Variants in MYCN observed in about 807,000 individuals in gnomAD.
MYCN encodes N-myc proto-oncogene protein.
A neutral mutation model predicts 28.1 loss-of-function variants in MYCN; 3 were observed. The ratio of observed to expected loss-of-function variants is 0.11; its 90% confidence interval spans 0.05 to 0.28. The LOEUF (loss-of-function observed/expected upper bound fraction) is 0.28, where lower values mean the gene tolerates loss of function less well. Ranked by LOEUF, MYCN falls within the 10% of genes least tolerant of loss-of-function variation. The pLI is 1.00. For synonymous variants in MYCN, 326 were observed against 288.3 expected, an observed-to-expected ratio of 1.13 and a Z score of -1.32; for missense variants, 572 against 651.4, an observed-to-expected ratio of 0.88 and a Z score of 1.33.
chr2:15,942,910 G>T lies in MYCN; in HGVS notation c.790+56G>T, dbSNP rs1662747631. The T allele has an allele frequency of 1.3e-6, 2 of 1,530,114 alleles. No individual in the cohort carries two copies. 94.8% of individuals were successfully genotyped at this position (1,530,114 alleles called of 1,614,324 possible). On this transcript the variant is annotated intron_variant, in intron 2 of 2. Coordinates refer to ENST00000281043, the MANE Select transcript of MYCN (RefSeq NM_005378.6). The surrounding 1 kb of genome is among the most constrained non-coding windows in gnomAD (Gnocchi z 7.0). ...CCTGGGGCACTGGACCCCGGGTCGC[G>T]TCCCCTTTGTTAGTGCTCGTATGTC...
In MYCN at chr2:15,942,254, A is replaced by T. The variant is rs751463329; in HGVS notation, c.190A>T (p.Ser64Cys). ...ELLPTPPLSP[S>C]RGFAEHSSEP... ...GCTGCCCACGCCCCCGCTGTCGCCC[A>T]GCCGTGGCTTCGCGGAGCACAGCTC... Residue 64 changes from serine (S) to cysteine (C), a missense_variant, in exon 2 of 3, where the codon AGC becomes TGC. Coordinates refer to ENST00000281043, the MANE Select transcript of MYCN (RefSeq NM_005378.6). This position sits in a 1 kb window ranked among gnomAD's most constrained non-coding sequence, Gnocchi z 7.0. The T allele has an allele frequency of 1.4e-5, 23 of 1,612,716 alleles. No individual in the cohort carries two copies. Among genetic ancestry groups the T allele is most frequent in the Non-Finnish European group, 1.6e-5 (19 of 1,179,848 alleles).
rs1377350247 is a variant in MYCN at position 15,945,462 on chromosome 2, C to T, written c.791-31C>T. On this transcript the variant is annotated intron_variant, in intron 2 of 2. Coordinates refer to ENST00000281043, the MANE Select transcript of MYCN (RefSeq NM_005378.6). This position sits in a 1 kb window ranked among gnomAD's most constrained non-coding sequence, Gnocchi z 4.8. The stretch of plus-strand genomic sequence containing the variant: ...ATGTGAATTTCATTCAAATGGTTCT[C>T]ACATGAGAGTAACTAGCATCTTTCT... The T allele has an allele frequency of 1.3e-6, 2 of 1,571,658 alleles. No individual in the cohort carries two copies. Among genetic ancestry groups the T allele is most frequent in the Non-Finnish European group, 8.6e-7 (1 of 1,157,166 alleles).
chr2:15,940,804 G>C (rs371249698), intron 1 of MYCN, 61 bp downstream of exon 1: 18 of 398,240 alleles, frequency 4.5e-5, no homozygotes, highest in African/African-American at 2.7e-4. Flanking sequence ...CCGGGGCAAG[G>C]CAAGCCCTGG....
chr2:15,942,424 C>G lies in MYCN; in HGVS notation c.360C>G (p.Phe120Leu), dbSNP rs748818541. 6.2e-7 allele frequency: 1 copy of G among 1,601,318 alleles called. No homozygotes were observed. Among genetic ancestry groups the G allele is most frequent in the East Asian group, 2.2e-5 (1 of 44,720 alleles). Residue 120 changes from phenylalanine to leucine, a missense_variant, in exon 2 of 3, where the codon TTC becomes TTG. Around this residue, in one of 3 missense-constraint regions of MYCN, gnomAD observed 499 missense variants for 524.3 expected, o/e 0.95. Transcript: ENST00000281043. The surrounding 1 kb of genome is among the most constrained non-coding windows in gnomAD (Gnocchi z 7.0). ...TCCAGGACTGCATGTGGAGCGGCTT[C>G]TCCGCCCGCGAGAAGCTGGAGCGCG... is the stretch of plus-strand genomic sequence containing the variant. Reference protein sequence around the residue: ...VILQDCMWSGFSAREKLERAV... With the variant: ...VILQDCMWSGLSAREKLERAV...
chr2:15,945,390 G>A lies in MYCN; in HGVS notation c.791-103G>A, dbSNP rs1165107034. ...ACCCATAAAAATAGCAGTCTGCCAG[G>A]GTCTGCCGGAAGAGACAGATAAGCA... On this transcript the variant is annotated intron_variant, in intron 2 of 2. Coordinates refer to ENST00000281043, the MANE Select transcript of MYCN (RefSeq NM_005378.6). This position sits in a 1 kb window ranked among gnomAD's most constrained non-coding sequence, Gnocchi z 4.8. 7.3e-7 allele frequency: 1 copy of A among 1,361,196 alleles called. No homozygotes were observed. The highest frequency in any genetic ancestry group is 1.4e-5 in the African/African-American group (1 of 69,146). The allele number at this position is 1,361,196 out of a possible 1,614,324, so 84.3% of individuals were successfully genotyped here.
rs1203807752 is a variant in MYCN, at chr2:15,941,730, G to T, written c.-117-218G>T. 3 of 449,618 alleles carry T rather than the reference G, an allele frequency of 6.7e-6. No homozygotes were observed. The highest frequency in any genetic ancestry group is 3.8e-5 in the Admixed American group (1 of 26,420). The allele number at this position is 449,618 out of a possible 1,614,324, so 27.9% of individuals were successfully genotyped here. A position where few individuals can be genotyped will look rare whatever the true frequency, so the allele number is the denominator to read the frequency against. On this transcript the variant is annotated intron_variant, in intron 1 of 2. Transcript: ENST00000281043. This position sits in a 1 kb window ranked among gnomAD's most constrained non-coding sequence, Gnocchi z 4.8. Reference sequence around the variant, plus strand: ...AGCCTCGCCACCACCCCCTGCATCTGCATGCCCCCTCCCACCCCCTGTCGT... The same window carrying T: ...AGCCTCGCCACCACCCCCTGCATCTTCATGCCCCCTCCCACCCCCTGTCGT...
chr2:15,945,717 G>A lies in MYCN; in HGVS notation c.1015G>A (p.Val339Met), dbSNP rs372079635. The A allele has an allele frequency of 5.6e-6, 9 of 1,614,016 alleles. No individual in the cohort carries two copies. The highest frequency in any genetic ancestry group is 7.6e-6 in the Non-Finnish European group (9 of 1,179,934). ...QHNYAAPSPY[V>M]ESEDAPPQKK... ...CAACTATGCCGCCCCCTCTCCCTACGTGGAGAGTGAGGATGCACCCCCACA... is the reference window on the plus strand; with the variant it reads ...CAACTATGCCGCCCCCTCTCCCTACATGGAGAGTGAGGATGCACCCCCACA... Residue 339 changes from valine (V) to methionine (M), a missense_variant, in exon 3 of 3, where the codon GTG becomes ATG. Around this residue, in one of 3 missense-constraint regions of MYCN, gnomAD observed 499 missense variants for 524.3 expected, o/e 0.95. Coordinates refer to ENST00000281043, the MANE Select transcript of MYCN (RefSeq NM_005378.6). This position sits in a 1 kb window ranked among gnomAD's most constrained non-coding sequence, Gnocchi z 4.8.
Position 15,946,211 on chromosome 2 carries a change from G to C in MYCN, c.*114G>C, listed in dbSNP as rs778828407. 1 of 1,500,928 alleles carries C rather than the reference G, an allele frequency of 6.7e-7. No individual in the cohort carries two copies. The highest frequency in any genetic ancestry group is 9.1e-7 in the Non-Finnish European group (1 of 1,095,520). The allele number at this position is 1,500,928 out of a possible 1,614,324, so 93.0% of individuals were successfully genotyped here. A position where few individuals can be genotyped will look rare whatever the true frequency, so the allele number is the denominator to read the frequency against. ...TTTACTTTCAAATCGGTCCCCTGTC[G>C]AGTTCGGCTCTGGGTGGGCAGTAGG... On this transcript the variant is annotated 3_prime_UTR_variant, in exon 3 of 3. Transcript: ENST00000281043.
intron 2 of MYCN, among the ~76,000 whole-genome samples, chr2:15,943,173 T>C (rs924135134): frequency 6.6e-6 from 1 of 151,992 alleles, no homozygotes; most frequent in Non-Finnish European, 1.5e-5. Context: ...AGGAATAAAA[T>C]TGGAGAAAGT....
rs534637762 is a variant in MYCN, at chr2:15,946,029, G to C, written c.1327G>C (p.Glu443Gln). 6.2e-7 allele frequency: 1 copy of C among 1,614,206 alleles called. No individual in the cohort carries two copies. Among genetic ancestry groups the C allele is most frequent in the African/African-American group, 1.3e-5 (1 of 75,062 alleles). Reference sequence around the variant, plus strand: ...GGCCGAGGAGCACCAGCTTTTGCTGGAAAAGGAAAAATTGCAGGCAAGACA... The same window carrying C: ...GGCCGAGGAGCACCAGCTTTTGCTGCAAAAGGAAAAATTGCAGGCAAGACA... ...LQAEEHQLLL[E>Q]KEKLQARQQQ... The change falls in exon 3 of 3, where the codon GAA becomes CAA. Residue 443 changes from glutamate to glutamine, a missense_variant. Physicochemically the swap from Glu to Gln is conservative, Grantham distance 29. Coordinates refer to ENST00000281043, the MANE Select transcript of MYCN (RefSeq NM_005378.6).
chr2:15,945,359 T>A lies in MYCN; in HGVS notation c.791-134T>A. 1 of 1,009,230 alleles carries A rather than the reference T, an allele frequency of 9.9e-7. No individual in the cohort carries two copies. Among genetic ancestry groups the A allele is most frequent in the Non-Finnish European group, 1.5e-6 (1 of 660,644 alleles). The allele number at this position is 1,009,230 out of a possible 1,614,324, so 62.5% of individuals were successfully genotyped here. ...AATACAAAACTGTCCACATCTATGT[T>A]GATGGACCCATAAAAATAGCAGTCT... On this transcript the variant is annotated intron_variant, in intron 2 of 2. Coordinates refer to ENST00000281043, the MANE Select transcript of MYCN (RefSeq NM_005378.6). This position sits in a 1 kb window ranked among gnomAD's most constrained non-coding sequence, Gnocchi z 4.8.
chr2:15,942,488 A>G lies in MYCN; in HGVS notation c.424A>G (p.Thr142Ala). 1.3e-6 allele frequency: 2 copies of G among 1,548,406 alleles called. No homozygotes were observed. The highest frequency in any genetic ancestry group is 1.7e-6 in the Non-Finnish European group (2 of 1,152,556). ...GCTGCAGCACGGCCGCGGGCCGCCA[A>G]CCGCCGGTTCCACCGCCCAGTCCCC... is the stretch of plus-strand genomic sequence containing the variant. ...EKLQHGRGPP[T>A]AGSTAQSPGA... Residue 142 changes from threonine to alanine, a missense_variant, in exon 2 of 3, where the codon ACC becomes GCC. Around this residue, in one of 3 missense-constraint regions of MYCN, gnomAD observed 499 missense variants for 524.3 expected, o/e 0.95. Coordinates refer to ENST00000281043, the MANE Select transcript of MYCN (RefSeq NM_005378.6). This position sits in a 1 kb window ranked among gnomAD's most constrained non-coding sequence, Gnocchi z 7.0.
rs1558533634 is a variant in MYCN at position 15,942,162 on chromosome 2, A to G, written c.98A>G (p.Asp33Gly). ...SLQPCFYPDE[D>G]DFYFGGPDST... is the part of the protein sequence containing the mutation. ...CAGCCCTGCTTCTACCCGGACGAAG[A>G]TGACTTCTACTTCGGCGGCCCCGAC... is the stretch of plus-strand genomic sequence containing the variant. The change falls in exon 2 of 3, where the codon GAT (aspartate) becomes GGT (glycine). Residue 33 changes from aspartate to glycine, a missense_variant. Coordinates refer to ENST00000281043, the MANE Select transcript of MYCN (RefSeq NM_005378.6). This position sits in a 1 kb window ranked among gnomAD's most constrained non-coding sequence, Gnocchi z 7.0. 2 of 1,613,874 alleles carry G rather than the reference A, an allele frequency of 1.2e-6. No individual in the cohort carries two copies. The highest frequency in any genetic ancestry group is 1.7e-6 in the Non-Finnish European group (2 of 1,179,998).
Position 15,946,543 on chromosome 2 carries a change from T to TACATACC in MYCN, c.*446_*447insACATACC, listed in dbSNP as rs1662879227. 2.9e-6 allele frequency: 1 copy of TACATACC among 347,144 alleles called. No homozygotes were observed. The highest frequency in any genetic ancestry group is 4.5e-5 in the Admixed American group (1 of 22,294). 21.5% of individuals were successfully genotyped at this position (347,144 alleles called of 1,614,324 possible). On this transcript the variant is annotated 3_prime_UTR_variant, in exon 3 of 3. Transcript: ENST00000281043. ...CGCCTTTTGTATACATCCTGGGTAA[T>TACATACC]GAGAGGTGGCTTTTGCGGCCAGTAT...
In MYCN at chr2:15,945,651, G is replaced by A. The variant is rs771271810; in HGVS notation, c.949G>A (p.Glu317Lys). Reference protein sequence around the residue: ...ALGPGRAQSSELILKRCLPIH... With the variant: ...ALGPGRAQSSKLILKRCLPIH... ...GGGTCCCGGGAGGGCTCAGTCCAGC[G>A]AGCTGATCCTCAAACGATGCCTTCC... is the stretch of plus-strand genomic sequence containing the variant. The change falls in exon 3 of 3, where the codon GAG (glutamate) becomes AAG (lysine). Residue 317 changes from glutamate (E) to lysine (K), a missense_variant. Glu to Lys is a moderately conservative substitution (Grantham distance 56). Transcript: ENST00000281043. This position sits in a 1 kb window ranked among gnomAD's most constrained non-coding sequence, Gnocchi z 4.8. 3.1e-6 allele frequency: 5 copies of A among 1,614,146 alleles called. No homozygotes were observed. Among genetic ancestry groups the A allele is most frequent in the Non-Finnish European group, 4.2e-6 (5 of 1,180,026 alleles).
At position 15,945,406 on chromosome 2, in the gene MYCN, C is replaced by T. The variant is rs2103330119; in HGVS notation, c.791-87C>T. The T allele has an allele frequency of 6.8e-7, 1 of 1,472,196 alleles. No individual in the cohort carries two copies. Among genetic ancestry groups the T allele is most frequent in the Non-Finnish European group, 9.3e-7 (1 of 1,076,924 alleles). The allele number at this position is 1,472,196 out of a possible 1,614,324, so 91.2% of individuals were successfully genotyped here. On this transcript the variant is annotated intron_variant, in intron 2 of 2. Transcript: ENST00000281043. The surrounding 1 kb of genome is among the most constrained non-coding windows in gnomAD (Gnocchi z 4.8). ...GTCTGCCAGGGTCTGCCGGAAGAGA[C>T]AGATAAGCATACATATTAACATGGA...
chr2:15,946,224 G>T lies in MYCN; in HGVS notation c.*127G>T. On this transcript the variant is annotated 3_prime_UTR_variant, in exon 3 of 3. Transcript: ENST00000281043. Reference sequence around the variant, plus strand: ...CGGTCCCCTGTCGAGTTCGGCTCTGGGTGGGCAGTAGGACCACCAGTGTGG... The same window carrying T: ...CGGTCCCCTGTCGAGTTCGGCTCTGTGTGGGCAGTAGGACCACCAGTGTGG... 1 of 1,388,920 alleles carries T rather than the reference G, an allele frequency of 7.2e-7. No individual in the cohort carries two copies. 86.0% of individuals were successfully genotyped at this position (1,388,920 alleles called of 1,614,324 possible). A position where few individuals can be genotyped will look rare whatever the true frequency, so the allele number is the denominator to read the frequency against.
rs951012191 is a variant in MYCN, at chr2:15,941,539, G to C, written c.-117-409G>C. 5.1e-6 allele frequency: 1 copy of C among 194,292 alleles called. No homozygotes were observed. Among genetic ancestry groups the C allele is most frequent in the Non-Finnish European group, 1.1e-5 (1 of 92,796 alleles). 12.0% of individuals were successfully genotyped at this position (194,292 alleles called of 1,614,324 possible). ...AGAAGGTACTCCAAATACCATTCCC[G>C]GTAGCTGGGTCGGAGAGCCTGGGGC... On this transcript the variant is annotated intron_variant, in intron 1 of 2. Transcript: ENST00000281043. The surrounding 1 kb of genome is among the most constrained non-coding windows in gnomAD (Gnocchi z 4.8).
At position 15,945,084 on chromosome 2, in the gene MYCN, C is replaced by T. The variant is rs941649612; in HGVS notation, c.791-409C>T. Among the ~76,000 whole-genome samples, 12 of 152,148 alleles carry T rather than the reference C, an allele frequency of 7.9e-5. No homozygotes were observed. Among genetic ancestry groups the T allele is most frequent in the African/African-American group, 2.9e-4 (12 of 41,494 alleles). The stretch of plus-strand genomic sequence containing the variant: ...GTATGATCTGGGCTCACTGCAACCT[C>T]CGCCTCCCGGGTTCAAGTCATTCTC... On this transcript the variant is annotated intron_variant, in intron 2 of 2. Transcript: ENST00000281043. This position sits in a 1 kb window ranked among gnomAD's most constrained non-coding sequence, Gnocchi z 4.8.
Sources: allele counts gnomAD v4.1 joint callset (sites outside exome capture counted in the v4.1 genomes callset), GRCh38; gene constraint gnomAD v4.1.1; regional missense constraint gnomAD v4.1.1; non-coding constraint Gnocchi (gnomAD v3.1); transcripts MANE v1.5; gene names NCBI Gene and HGNC (gene_info 2026-07-23, HGNC 2026-07-21).